The following AKAP19 variants were observed in gnomAD, a reference collection of about 807,000 sequenced individuals.
AKAP19 encodes A-kinase anchoring protein 19, also known as small A-kinase anchoring protein.
the AKAP19 span, among the ~76,000 whole-genome samples, chr2:190,114,200 C>T: frequency 6.6e-6 from 1 of 152,136 alleles, no homozygotes; most frequent in Non-Finnish European, 1.5e-5. Context: ...TGTCATTTAG[C>T]ATTTTAATTC....
chr2:190,050,139 C>G, the AKAP19 span, among the ~76,000 whole-genome samples: 1 of 152,190 alleles, frequency 6.6e-6, no homozygotes, highest in African/African-American at 2.4e-5. Context: ...GAGAGCTCTG[C>G]TGTGCAATGT....
the AKAP19 span, among the ~76,000 whole-genome samples, chr2:190,195,053 G>A: frequency 6.6e-6 from 1 of 152,104 alleles, no homozygotes; most frequent in East Asian, 1.9e-4. Flanking sequence ...TTGTAGAGAC[G>A]GGGTCTTGCT....
chr2:190,200,316 C>CTA, the AKAP19 span: 2 of 627,834 alleles, frequency 3.2e-6, no homozygotes, highest in East Asian at 5.7e-5. Context: ...TTAAGTACTT[C>CTA]TATGTTAACA....
the AKAP19 span, among the ~76,000 whole-genome samples, chr2:190,039,235 T>C: frequency 3.3e-5 from 5 of 151,950 alleles, no homozygotes; most frequent in Non-Finnish European, 7.4e-5. Context: ...CGTGCCATCA[T>C]GCACAGCTCA....
At chr2:189,929,247 C>G in the AKAP19 span, among the ~76,000 whole-genome samples, 4 of 152,088 alleles carry the variant, frequency 2.6e-5, no homozygotes, top group Admixed American at 2.6e-4. Context: ...GTAACCTCAG[C>G]ATTACAGTAA....
chr2:190,097,859 C>CAAAAAAAAAAAAAAAA, the AKAP19 span, among the ~76,000 whole-genome samples: 18 of 64,324 alleles, frequency 2.8e-4, no homozygotes, highest in Admixed American at 4.2e-4. Flanking sequence ...TGGTTTCTAC[C>CAAAAAAAAAAAAAAAA]AAAAAAAAAA....
chr2:190,026,103 G>T, the AKAP19 span, among the ~76,000 whole-genome samples: 1 of 151,952 alleles, frequency 6.6e-6, no homozygotes, highest in Non-Finnish European at 1.5e-5. Context: ...ACTACTTCAG[G>T]CCAACTTAGA....
chr2:189,947,809 G>T, the AKAP19 span, among the ~76,000 whole-genome samples: 1 of 151,936 alleles, frequency 6.6e-6, no homozygotes, highest in East Asian at 1.9e-4. Flanking sequence ...AGTGATTTCC[G>T]ATTCTAACCA....
chr2:190,096,183 G>A, the AKAP19 span, among the ~76,000 whole-genome samples: 3 of 152,156 alleles, frequency 2.0e-5, no homozygotes, highest in East Asian at 5.8e-4. Context: ...CTGCAAAATG[G>A]CTGCCACTTC....
the AKAP19 span, among the ~76,000 whole-genome samples, chr2:189,964,577 C>G: frequency 6.6e-6 from 1 of 152,138 alleles, no homozygotes. Flanking sequence ...TTTAGTGTAG[C>G]CACCTTCATC....
At chr2:190,038,538 T>C in the AKAP19 span, among the ~76,000 whole-genome samples, 1 of 152,200 alleles carries the variant, frequency 6.6e-6, no homozygotes, top group Non-Finnish European at 1.5e-5. Flanking sequence ...CAATAATCTT[T>C]GATTTGCTCA....
At chr2:190,121,642 T>G in the AKAP19 span, among the ~76,000 whole-genome samples, 1 of 152,172 alleles carries the variant, frequency 6.6e-6, no homozygotes, top group Admixed American at 6.5e-5. Flanking sequence ...AAAATATGCT[T>G]TTGGGGATTA....
chr2:189,936,686 T>G, the AKAP19 span, among the ~76,000 whole-genome samples: 1 of 152,210 alleles, frequency 6.6e-6, no homozygotes, highest in Non-Finnish European at 1.5e-5. Flanking sequence ...AAATTTTTCA[T>G]GGTATAGCTG....
At chr2:190,133,135 T>G in the AKAP19 span, among the ~76,000 whole-genome samples, 46 of 145,792 alleles carry the variant, frequency 3.2e-4, no homozygotes, top group East Asian at 1.0e-3. Context: ...CTACTCGGGA[T>G]GCTGAGGCAG....
chr2:190,174,869 T>C, the AKAP19 span, among the ~76,000 whole-genome samples: 5 of 152,362 alleles, frequency 3.3e-5, no homozygotes, highest in African/African-American at 1.2e-4. Context: ...GCCCAAGCAG[T>C]AATGTTCTTC....
chr2:189,892,208 T>C, the AKAP19 span, among the ~76,000 whole-genome samples: 1 of 152,076 alleles, frequency 6.6e-6, no homozygotes, highest in Non-Finnish European at 1.5e-5. Flanking sequence ...AGTTCGTTAT[T>C]ACCCACCTTC....
At chr2:190,073,226 C>A in the AKAP19 span, among the ~76,000 whole-genome samples, 1 of 151,944 alleles carries the variant, frequency 6.6e-6, no homozygotes, top group Non-Finnish European at 1.5e-5. Context: ...ATGAAATGAA[C>A]ATATATAGAT....
the AKAP19 span, among the ~76,000 whole-genome samples, chr2:190,103,900 A>G: frequency 6.6e-6 from 1 of 152,072 alleles, no homozygotes; most frequent in Admixed American, 6.6e-5. Context: ...AACAAAAACA[A>G]AAAGCCAAAG....
At chr2:190,062,735 A>T in the AKAP19 span, 1 of 752,282 alleles carries the variant, frequency 1.3e-6, no homozygotes, top group Non-Finnish European at 2.1e-6. Context: ...AATCTTTTAT[A>T]CTGTATTCCA....
Sources: gnomAD v4.1 joint callset for allele counts (sites outside exome capture counted in the v4.1 genomes callset) on GRCh38, gnomAD v4.1.1 for gene constraint, MANE v1.5 for transcripts, NCBI Gene and HGNC (gene_info 2026-07-23, HGNC 2026-07-21) for gene names.